SHANK1: variants seen among roughly 807,000 people sequenced by gnomAD.
The protein encoded by SHANK1 is SH3 and multiple ankyrin repeat domains protein 1.
SHANK1 carries 35 observed loss-of-function variants against 165.6 expected under a neutral mutation model. The observed-to-expected ratio is 0.21, with a 90% CI of 0.16 to 0.28. The LOEUF (loss-of-function observed/expected upper bound fraction) is 0.28, where lower values mean the gene tolerates loss of function less well. Among genes scored for constraint, SHANK1 ranks in the 10% least tolerant of loss-of-function variants. The pLI, the probability that SHANK1 is intolerant of heterozygous loss-of-function variation, is 1.00. For synonymous variants in SHANK1, 1,428 were observed against 1,384.8 expected (o/e 1.03, Z -0.69); for missense variants, 2,681 against 3,036.4 (o/e 0.88, Z 2.75).
chr19:50,715,747 G>C lies in SHANK1; in HGVS notation c.460-17C>G. The C allele has an allele frequency of 1.2e-6, 2 of 1,610,804 alleles. No individual in the cohort carries two copies. The highest frequency in any genetic ancestry group is 1.1e-5 in the South Asian group (1 of 91,004). On this transcript the variant is annotated splice_polypyrimidine_tract_variant and intron_variant, in intron 3 of 23. Coordinates refer to ENST00000293441, the MANE Select transcript of SHANK1 (RefSeq NM_016148.5). ...GTATCGGAACTGAGGTCAAGGGTAG[G>C]GTAGTGAGAGAGACACAGAGACTTG...
chr19:50,706,515 ATCT>A (rs1835376978), intron 8 of SHANK1, among the ~76,000 whole-genome samples: 1 of 151,806 alleles, frequency 6.6e-6, no homozygotes, highest in Non-Finnish European at 1.5e-5. Context: ...CACCAACTTC[ATCT>A]TCTACCACCT....
chr19:50,662,757 G>C lies in SHANK1; in HGVS notation c.5769-75C>G, dbSNP rs1985315635. On this transcript the variant is annotated intron_variant, in intron 23 of 23. Transcript: ENST00000293441. This position sits in a 1 kb window ranked among gnomAD's most constrained non-coding sequence, Gnocchi z 7.7. ...AGGGCAGGGGTGAGAAAGAGGCAGA[G>C]GTCAAGATATAGGGAGAGAGGAGGA... is the stretch of plus-strand genomic sequence containing the variant. 2 of 1,514,542 alleles carry C rather than the reference G, an allele frequency of 1.3e-6. No homozygotes were observed. The highest frequency in any genetic ancestry group is 8.9e-7 in the Non-Finnish European group (1 of 1,117,472). The allele number at this position is 1,514,542 out of a possible 1,614,324, so 93.8% of individuals were successfully genotyped here.
chr19:50,707,386 T>C (rs749949548), intron 8 of SHANK1, among the ~76,000 whole-genome samples: 1 of 152,140 alleles, frequency 6.6e-6, no homozygotes, highest in Non-Finnish European at 1.5e-5. Context: ...CTGATGCTAA[T>C]TTAACCACCA....
chr19:50,667,388 G>C lies in SHANK1; in HGVS notation c.4572C>G (p.Arg1524=), dbSNP rs1599840031. The change falls in exon 23 of 24, where the codon CGC becomes CGG. Residue 1524 remains arginine (R), a synonymous_variant. Coordinates refer to ENST00000293441, the MANE Select transcript of SHANK1 (RefSeq NM_016148.5). The surrounding 1 kb of genome is among the most constrained non-coding windows in gnomAD (Gnocchi z 5.7). ...DGPGVPPPSP[R]RSVPPSPTSP... is the part of the protein sequence containing the mutation. ...AGGTCGGGGAGGGGGGCACGGACCGGCGTGGGCTGGGCGGCGGGACCCCCG... is the reference window on the plus strand; with the variant it reads ...AGGTCGGGGAGGGGGGCACGGACCGCCGTGGGCTGGGCGGCGGGACCCCCG... 2 of 1,528,368 alleles carry C rather than the reference G, an allele frequency of 1.3e-6. No individual in the cohort carries two copies. The highest frequency in any genetic ancestry group is 1.9e-5 in the Admixed American group (1 of 51,476). The allele number at this position is 1,528,368 out of a possible 1,614,324, so 94.7% of individuals were successfully genotyped here. A position where few individuals can be genotyped will look rare whatever the true frequency, so the allele number is the denominator to read the frequency against.
intron 21 of SHANK1, among the ~76,000 whole-genome samples, chr19:50,679,425 T>C (rs1986100343): frequency 1.3e-5 from 2 of 152,012 alleles, no homozygotes; most frequent in Admixed American, 6.5e-5. Context: ...ACAGGAGAGA[T>C]GTCAGACTGA....
chr19:50,698,227 T>A lies in SHANK1; in HGVS notation c.1748-271A>T, dbSNP rs561882749. On this transcript the variant is annotated intron_variant, in intron 12 of 23. Coordinates refer to ENST00000293441, the MANE Select transcript of SHANK1 (RefSeq NM_016148.5). ...TCCTAGGTTAGAGGCAGGTCCACAA[T>A]TGGTCCTTGTCTCCCCTGGTAACTG... Among the ~76,000 whole-genome samples, 27 of 152,258 alleles carry A rather than the reference T, an allele frequency of 1.8e-4. No individual in the cohort carries two copies. The East Asian group carries it at 5.0e-3, about 28-fold the overall frequency.
rs372059435 is a variant in SHANK1 at position 50,686,634 on chromosome 19, C to T, written c.2458+110G>A. On this transcript the variant is annotated intron_variant, in intron 20 of 23. Transcript: ENST00000293441. The surrounding 1 kb of genome is among the most constrained non-coding windows in gnomAD (Gnocchi z 5.7). ...GGGAGGGGAGGTGGGATCGCAGCCT[C>T]TCTGGGGCAGGAAGGTGAGGGGCGC... 16 of 1,070,978 alleles carry T rather than the reference C, an allele frequency of 1.5e-5. No individual in the cohort carries two copies. The highest frequency in any genetic ancestry group is 1.9e-5 in the Non-Finnish European group (14 of 726,708). The allele number at this position is 1,070,978 out of a possible 1,614,324, so 66.3% of individuals were successfully genotyped here.
Position 50,664,247 on chromosome 19 carries a change from CTG to C in SHANK1, c.5769-1567_5769-1566del, listed in dbSNP as rs1985393695. On this transcript the variant is annotated intron_variant, in intron 23 of 23. Transcript: ENST00000293441. ...CCTTCAAACAGAATTCAAGTGAACT[CTG>C]TAGATGGACAAGGATATTTAAAACC... is the stretch of plus-strand genomic sequence containing the variant. 2.6e-5 allele frequency among the ~76,000 whole-genome samples: 4 copies of C among 151,962 alleles called. No individual in the cohort carries two copies. In the South Asian group the frequency reaches 8.3e-4, roughly 32 times the overall value.
At chr19:50,671,963 C>T (rs2123094297) in intron 22 of SHANK1, 55 bp downstream of exon 22, 2 of 1,300,158 alleles carry the variant, frequency 1.5e-6, no homozygotes, top group Non-Finnish European at 2.2e-6. Context: ...TTTTCCTGAA[C>T]TGTCACGTTC....
chr19:50,686,960 A>C lies in SHANK1; in HGVS notation c.2390-148T>G. On this transcript the variant is annotated intron_variant, in intron 19 of 23. Coordinates refer to ENST00000293441, the MANE Select transcript of SHANK1 (RefSeq NM_016148.5). This position sits in a 1 kb window ranked among gnomAD's most constrained non-coding sequence, Gnocchi z 5.7. ...GAGGGGCCGGGGTCAGGGAGGGGCG[A>C]GTCCGCCGGCGGGGTCGGGAGACGG... 4.4e-6 allele frequency: 6 copies of C among 1,356,370 alleles called. No individual in the cohort carries two copies. The highest frequency in any genetic ancestry group is 5.8e-6 in the Non-Finnish European group (6 of 1,029,800). 84.0% of individuals were successfully genotyped at this position (1,356,370 alleles called of 1,614,324 possible). A position where few individuals can be genotyped will look rare whatever the true frequency, so the allele number is the denominator to read the frequency against.
At position 50,679,762 on chromosome 19, in the gene SHANK1, G is replaced by A. The variant is rs190035563; in HGVS notation, c.2577+6475C>T. ...GGGAGACAACTGAAGAGACAGAGAT[G>A]GGGGGACAGAGATAGACAGAGACAG... On this transcript the variant is annotated intron_variant, in intron 21 of 23. Coordinates refer to ENST00000293441, the MANE Select transcript of SHANK1 (RefSeq NM_016148.5). Among the ~76,000 whole-genome samples the A allele has an allele frequency of 2.9e-3, 441 of 152,208 alleles. 1 individual carries two copies. The highest frequency in any genetic ancestry group is 0.017 in the Middle Eastern group (5 of 294).
At chr19:50,705,948 G>C (rs2088933806) in intron 8 of SHANK1, among the ~76,000 whole-genome samples, 1 of 152,140 alleles carries the variant, frequency 6.6e-6, no homozygotes, top group African/African-American at 2.4e-5. Flanking sequence ...CTTGAGCCCA[G>C]GAGTTTGAGA....
rs1279652209 is a variant in SHANK1 at position 50,686,920 on chromosome 19, C to T, written c.2390-108G>A. The T allele has an allele frequency of 7.2e-7, 1 of 1,398,268 alleles. No individual in the cohort carries two copies. The highest frequency in any genetic ancestry group is 1.4e-5 in the South Asian group (1 of 69,920). 86.6% of individuals were successfully genotyped at this position (1,398,268 alleles called of 1,614,324 possible). ...GGTGCGGGCCAGTGGGCGTGGCGGG[C>T]GCGAGAGGGGCAGTGAGGGGCCGGG... is the stretch of plus-strand genomic sequence containing the variant. On this transcript the variant is annotated intron_variant, in intron 19 of 23. Transcript: ENST00000293441. The surrounding 1 kb of genome is among the most constrained non-coding windows in gnomAD (Gnocchi z 5.7).
intron 11 of SHANK1, among the ~76,000 whole-genome samples, chr19:50,703,176 AC>A (rs534233173): frequency 0.012 from 1,129 of 91,350 alleles, 7 homozygotes; most frequent in African/African-American, 0.03. Context: ...AGTCCCTGCC[AC>A]CCCCCCCATC....
intron 21 of SHANK1, among the ~76,000 whole-genome samples, chr19:50,683,788 C>A (rs780409687): frequency 5.3e-5 from 8 of 152,208 alleles, no homozygotes; most frequent in Non-Finnish European, 1.0e-4. Flanking sequence ...AGAATAACCA[C>A]AAAAGCCCTT....
intron 8 of SHANK1, among the ~76,000 whole-genome samples, chr19:50,710,451 G>A (rs1419279949): frequency 1.3e-5 from 2 of 152,158 alleles, no homozygotes; most frequent in Non-Finnish European, 2.9e-5. Context: ...GCCCTTCAAG[G>A]GCAGGAAGCA....
chr19:50,684,347 T>G lies in SHANK1; in HGVS notation c.2577+1890A>C, dbSNP rs1986268467. On this transcript the variant is annotated intron_variant, in intron 21 of 23. Coordinates refer to ENST00000293441, the MANE Select transcript of SHANK1 (RefSeq NM_016148.5). ...TTCAAGCGATTCTCTCGCCTCAGCC[T>G]CCTGAGTAGCTGGGATTACAGGCAC... Among the ~76,000 whole-genome samples the G allele has an allele frequency of 1.3e-5, 2 of 152,066 alleles. 1 individual carries two copies. The highest frequency in any genetic ancestry group is 4.1e-4 in the South Asian group (2 of 4,830).
rs775426202 is a variant in SHANK1, at chr19:50,684,167, A to G, written c.2577+2070T>C. On this transcript the variant is annotated intron_variant, in intron 21 of 23. Coordinates refer to ENST00000293441, the MANE Select transcript of SHANK1 (RefSeq NM_016148.5). ...ATAGAAGAAGATCACAGGAGGAGGA[A>G]ACAGGGTCAAAAAAGGTAAGAGCCC... Among the ~76,000 whole-genome samples the G allele has an allele frequency of 3.9e-4, 59 of 152,212 alleles. 1 individual carries two copies. The highest frequency in any genetic ancestry group is 1.3e-4 in the Admixed American group (2 of 15,282).
intron 21 of SHANK1, among the ~76,000 whole-genome samples, chr19:50,682,181 A>C (rs1986201801): frequency 6.6e-6 from 1 of 151,784 alleles, no homozygotes; most frequent in Admixed American, 6.6e-5. Flanking sequence ...TCAGCCTCCC[A>C]AGTAGCTGGG....
Sources: allele counts gnomAD v4.1 joint callset (sites outside exome capture counted in the v4.1 genomes callset), GRCh38; gene constraint gnomAD v4.1.1; non-coding constraint Gnocchi (gnomAD v3.1); transcripts MANE v1.5; gene names NCBI Gene and HGNC (gene_info 2026-07-23, HGNC 2026-07-21).